Variants in MEGF9 observed in about 807,000 individuals in gnomAD.
The protein encoded by MEGF9 is multiple EGF like domains 9.
MEGF9 carries 6 observed loss-of-function variants against 46.8 expected under a neutral mutation model. The ratio of observed to expected loss-of-function variants is 0.13; its 90% CI spans 0.07 to 0.25. MEGF9 has a LOEUF of 0.25. MEGF9 is among the 10% of genes least tolerant of loss of function. The pLI is 1.00. For synonymous variants in MEGF9, 302 were observed against 330.7 expected, an observed-to-expected ratio of 0.91 and a Z score of 0.94; for missense variants, 683 against 792.4, an observed-to-expected ratio of 0.86 and a Z score of 1.66.
rs375602998 is a variant in MEGF9 at position 120,612,581 on chromosome 9, T to C, written c.944-42A>G. 3.3e-4 allele frequency: 506 copies of C among 1,547,678 alleles called. 2 individuals are homozygous for C. In the African/African-American group the frequency reaches 6.2e-3, roughly 19 times the overall value. On this transcript the variant is annotated intron_variant, in intron 3 of 5. Coordinates refer to ENST00000373930, the MANE Select transcript of MEGF9 (RefSeq NM_001080497.3). ...ATTTTTAAAAGTTAAAGATTTACCT[T>C]GAAAGCCAAGTAACTTTCAAAAATC...
At chr9:120,677,797 A>G (rs1187265632) in intron 1 of MEGF9, among the ~76,000 whole-genome samples, 1 of 152,196 alleles carries the variant, frequency 6.6e-6, no homozygotes, top group Non-Finnish European at 1.5e-5. Context: ...CCACTTTTCC[A>G]TTAGTATACA....
chr9:120,631,492 T>TG (rs372918118), intron 2 of MEGF9, among the ~76,000 whole-genome samples: 261 of 151,758 alleles, frequency 1.7e-3, no homozygotes, highest in African/African-American at 6.0e-3. Flanking sequence ...ATTGCATTTT[T>TG]TTTTTTTTCT....
Position 120,653,517 on chromosome 9 carries a change from G to A in MEGF9, c.803+5857C>T, listed in dbSNP as rs182585774. Among the ~76,000 whole-genome samples the A allele has an allele frequency of 3.8e-3, 576 of 151,736 alleles. 6 individuals are homozygous for A. Among genetic ancestry groups the A allele is most frequent in the African/African-American group, 0.013 (551 of 41,418 alleles). On this transcript the variant is annotated intron_variant, in intron 2 of 5. Coordinates refer to ENST00000373930, the MANE Select transcript of MEGF9 (RefSeq NM_001080497.3). The stretch of plus-strand genomic sequence containing the variant: ...CTCCCAAGCAGCTGGGATTACAGGC[G>A]CATGCCACCACATCCAGCTAATTTT...
At chr9:120,689,602 A>G (rs2043839309) in intron 1 of MEGF9, among the ~76,000 whole-genome samples, 1 of 152,164 alleles carries the variant, frequency 6.6e-6, no homozygotes, top group Non-Finnish European at 1.5e-5. Context: ...GAGCATGTGC[A>G]TGTTATTATG....
At chr9:120,695,603 CAAAAAAAA>C (rs370281228) in intron 1 of MEGF9, among the ~76,000 whole-genome samples, 3 of 18,676 alleles carry the variant, frequency 1.6e-4, no homozygotes, top group Non-Finnish European at 3.1e-4. Flanking sequence ...GACCCCATCT[CAAAAAAAA>C]AAAAAAAAAA....
At chr9:120,653,314 T>A (rs2043661701) in intron 2 of MEGF9, among the ~76,000 whole-genome samples, 1 of 152,164 alleles carries the variant, frequency 6.6e-6, no homozygotes, top group African/African-American at 2.4e-5. Context: ...ACTACTTCTG[T>A]GATACACTAC....
At chr9:120,606,642 A>G (rs1182406608) in intron 5 of MEGF9, among the ~76,000 whole-genome samples, 2 of 152,180 alleles carry the variant, frequency 1.3e-5, no homozygotes, top group Non-Finnish European at 2.9e-5. Flanking sequence ...ACAGATAAGT[A>G]AATTTTTTTA....
chr9:120,617,502 G>A (rs1006685900), intron 3 of MEGF9, among the ~76,000 whole-genome samples: 2 of 152,130 alleles, frequency 1.3e-5, no homozygotes, highest in African/African-American at 4.8e-5. Context: ...AGAGTAACAG[G>A]GCATAAGGTC....
At chr9:120,702,573 C>G (rs1368171910) in intron 1 of MEGF9, among the ~76,000 whole-genome samples, 1 of 152,062 alleles carries the variant, frequency 6.6e-6, no homozygotes, top group African/African-American at 2.4e-5. Context: ...TATATTGCTG[C>G]TTAATATAAT....
intron 4 of MEGF9, among the ~76,000 whole-genome samples, chr9:120,612,103 G>A (rs972240709): frequency 3.3e-5 from 5 of 151,958 alleles, no homozygotes; most frequent in Non-Finnish European, 7.4e-5. Flanking sequence ...AACATTATTC[G>A]GTATCTAGGA....
At chr9:120,643,670 C>T (rs2043613642) in intron 2 of MEGF9, among the ~76,000 whole-genome samples, 1 of 151,730 alleles carries the variant, frequency 6.6e-6, no homozygotes, top group Non-Finnish European at 1.5e-5. Context: ...AAGTTCTAAT[C>T]TACCATTCAT....
chr9:120,618,475 G>A (rs1183335785), intron 3 of MEGF9, among the ~76,000 whole-genome samples: 1 of 152,118 alleles, frequency 6.6e-6, no homozygotes, highest in Non-Finnish European at 1.5e-5. Context: ...TATATTATAT[G>A]AACATGAAGT....
At chr9:120,684,999 T>C (rs371858659) in intron 1 of MEGF9, among the ~76,000 whole-genome samples, 21 of 152,250 alleles carry the variant, frequency 1.4e-4, no homozygotes, top group African/African-American at 4.3e-4. Context: ...CACGCCCAGC[T>C]AATTTTTTGT....
chr9:120,714,086 C>A lies in MEGF9; in HGVS notation c.273G>T (p.Leu91=). The part of the protein sequence containing the change: ...GPPRATVHRP[L]AATSPAQSPE... ...GGGACTGGGCTGGAGAAGTCGCAGC[C>A]AGGGGTCGGTGGACGGTGGCGCGCG... The change falls in exon 1 of 6, where the codon CTG becomes CTT. Residue 91 remains leucine (L), a synonymous_variant. Transcript: ENST00000373930. 7.9e-7 allele frequency: 1 copy of A among 1,259,796 alleles called. No homozygotes were observed. The highest frequency in any genetic ancestry group is 1.0e-6 in the Non-Finnish European group (1 of 1,002,072). The allele number at this position is 1,259,796 out of a possible 1,614,324, so 78.0% of individuals were successfully genotyped here.
At chr9:120,673,006 A>C (rs1485127874) in intron 1 of MEGF9, among the ~76,000 whole-genome samples, 1 of 152,162 alleles carries the variant, frequency 6.6e-6, no homozygotes, top group Non-Finnish European at 1.5e-5. Flanking sequence ...CTGGGCAACA[A>C]GGGCAAAACT....
intron 1 of MEGF9, among the ~76,000 whole-genome samples, chr9:120,713,377 T>A (rs1478472830): frequency 6.6e-6 from 1 of 152,130 alleles, no homozygotes; most frequent in African/African-American, 2.4e-5. Context: ...TTTGACCCAG[T>A]GGTTGAAGGA....
chr9:120,666,408 C>T (rs901609738), intron 1 of MEGF9, among the ~76,000 whole-genome samples: 3 of 152,132 alleles, frequency 2.0e-5, no homozygotes, highest in African/African-American at 7.2e-5. Flanking sequence ...GGAACATCCA[C>T]TCAGTGGAAG....
intron 2 of MEGF9, among the ~76,000 whole-genome samples, chr9:120,636,298 T>C (rs1424847190): frequency 1.3e-5 from 2 of 152,098 alleles, no homozygotes; most frequent in Non-Finnish European, 2.9e-5. Context: ...TGCAGTTGGG[T>C]TTTAGTTTGC....
At chr9:120,616,133 A>T (rs1318041331) in intron 3 of MEGF9, among the ~76,000 whole-genome samples, 1 of 151,944 alleles carries the variant, frequency 6.6e-6, no homozygotes, top group Non-Finnish European at 1.5e-5. Context: ...TACATGCATC[A>T]CTTTTATTTT....
Sources: gnomAD v4.1 joint callset for allele counts (sites outside exome capture counted in the v4.1 genomes callset) on GRCh38, gnomAD v4.1.1 for gene constraint, MANE v1.5 for transcripts, NCBI Gene and HGNC (gene_info 2026-07-23, HGNC 2026-07-21) for gene names.